The following FHL2 variants were observed in gnomAD, a reference collection of about 807,000 sequenced individuals.
FHL2 encodes four and a half LIM domains 2.
In FHL2, 20 loss-of-function variants were observed where a neutral mutation model predicts 32.7. The observed-to-expected ratio is 0.61, with a 90% CI of 0.43 to 0.89. The LOEUF (loss-of-function observed/expected upper bound fraction) is 0.89, where lower values mean the gene tolerates loss of function less well. Among genes scored for constraint, FHL2 ranks in the 40% least tolerant of loss-of-function variants. The pLI, the probability that FHL2 is intolerant of heterozygous loss-of-function variation, is 0.00. For synonymous variants in FHL2, 123 were observed against 128.1 expected (o/e 0.96, Z 0.27); for missense variants, 311 against 358.6 (o/e 0.87, Z 1.07).
intron 3 of FHL2, among the ~76,000 whole-genome samples, chr2:105,377,305 T>G (rs1206834030): frequency 6.6e-6 from 1 of 152,200 alleles, no homozygotes; most frequent in Non-Finnish European, 1.5e-5. Context: ...AGTGTGATGT[T>G]CTGTGTATTT....
chr2:105,407,895 A>G lies in FHL2; in HGVS notation c.-24-21355T>C, dbSNP rs532030543. Among the ~76,000 whole-genome samples the G allele has an allele frequency of 6.1e-4, 93 of 152,312 alleles. 2 individuals carry two copies. Among genetic ancestry groups the G allele is most frequent in the South Asian group, 3.5e-3 (17 of 4,822 alleles). On this transcript the variant is annotated intron_variant, in intron 1 of 5. Transcript: ENST00000393352. ...CTGCATCCTGCAAACGGAAGCCACC[A>G]TCTTAATTTTTAGGAGTCTATCTGG...
chr2:105,399,110 G>T, upstream of FHL2: 1 of 1,437,344 alleles, frequency 7.0e-7, no homozygotes, highest in Non-Finnish European at 9.1e-7. Flanking sequence ...ACCATATAAG[G>T]AGATGCACGC....
At chr2:105,382,571 T>C (rs145016020) in intron 3 of FHL2, among the ~76,000 whole-genome samples, 1 of 152,396 alleles carries the variant, frequency 6.6e-6, no homozygotes, top group East Asian at 1.9e-4. Flanking sequence ...TCATGCAGTT[T>C]AGGCATTTAC....
chr2:105,414,701 C>T (rs1208265547), intron 1 of FHL2, among the ~76,000 whole-genome samples: 9 of 152,138 alleles, frequency 5.9e-5, no homozygotes, highest in East Asian at 1.9e-4. Flanking sequence ...TACAGGCACA[C>T]GCTACCATGT....
chr2:105,376,378 G>A (rs147599929), intron 3 of FHL2: 10 of 152,264 alleles, frequency 6.6e-5, no homozygotes, highest in African/African-American at 2.2e-4. Context: ...ATCCAGAAAC[G>A]ACCAAACTCT....
At chr2:105,419,719 G>T (rs1470858563) in intron 1 of FHL2, among the ~76,000 whole-genome samples, 3 of 152,024 alleles carry the variant, frequency 2.0e-5, no homozygotes, top group Non-Finnish European at 4.4e-5. Flanking sequence ...TAAACTCCTG[G>T]GTCTAACAGC....
At chr2:105,360,128 C>G (rs1180300281), downstream of FHL2, 2 of 151,990 alleles carry the variant, frequency 1.3e-5, 1 homozygote, top group Non-Finnish European at 2.9e-5. Context: ...TGGTGAAACC[C>G]CATCTCTACT....
chr2:105,407,262 G>A (rs550732966), intron 1 of FHL2, among the ~76,000 whole-genome samples: 11 of 151,962 alleles, frequency 7.2e-5, no homozygotes, highest in Admixed American at 3.3e-4. Flanking sequence ...CGTGGTGGCG[G>A]GCGCCTGTAG....
At chr2:105,420,724 T>C (rs1258752001) in intron 1 of FHL2, among the ~76,000 whole-genome samples, 8 of 152,112 alleles carry the variant, frequency 5.3e-5, no homozygotes, top group Admixed American at 3.9e-4. Flanking sequence ...GATGAAACTG[T>C]TCCAACTCAG....
chr2:105,417,833 G>A (rs1476693950), intron 1 of FHL2, among the ~76,000 whole-genome samples: 1 of 151,904 alleles, frequency 6.6e-6, no homozygotes, highest in East Asian at 1.9e-4. Context: ...TCCCCCTACT[G>A]CTTGGTGATG....
chr2:105,371,336 C>T (rs1681047523), intron 4 of FHL2, among the ~76,000 whole-genome samples: 1 of 152,132 alleles, frequency 6.6e-6, no homozygotes. Context: ...GCCTTAGGGG[C>T]AAAGACTAAG....
At chr2:105,370,656 T>C (rs776538963) in intron 4 of FHL2, among the ~76,000 whole-genome samples, 1 of 152,224 alleles carries the variant, frequency 6.6e-6, no homozygotes, top group Non-Finnish European at 1.5e-5. Context: ...ACTGACGCTG[T>C]AAACCCATAT....
chr2:105,406,552 A>G (rs551714774), intron 1 of FHL2, among the ~76,000 whole-genome samples: 2 of 151,250 alleles, frequency 1.3e-5, no homozygotes, highest in African/African-American at 2.4e-5. Context: ...CATTGCTAAC[A>G]CTTTCTGGAC....
intron 1 of FHL2, among the ~76,000 whole-genome samples, chr2:105,422,924 G>C (rs531351080): frequency 6.6e-6 from 1 of 152,268 alleles, no homozygotes; most frequent in African/African-American, 2.4e-5. Flanking sequence ...CGAGAGTAAA[G>C]TCTTCCGTCA....
At chr2:105,378,355 C>G (rs1014604556) in intron 3 of FHL2, 2 of 372,962 alleles carry the variant, frequency 5.4e-6, no homozygotes, top group African/African-American at 2.1e-5. Context: ...CCTGTCCCCC[C>G]ACACCCTGCT....
At chr2:105,367,870 C>G in intron 4 of FHL2, 131 bp from the exon 5 acceptor site, 2 of 842,022 alleles carry the variant, frequency 2.4e-6, no homozygotes, top group Non-Finnish European at 3.6e-6. Context: ...CTTGAAGGCT[C>G]GCCTCTACAT....
At position 105,398,943 on chromosome 2, in the gene FHL2, G is replaced by A; in HGVS notation, c.-177C>T. 4.6e-6 allele frequency: 7 copies of A among 1,532,716 alleles called. No homozygotes were observed. The highest frequency in any genetic ancestry group is 1.2e-5 in the South Asian group (1 of 80,536). The allele number at this position is 1,532,716 out of a possible 1,614,324, so 94.9% of individuals were successfully genotyped here. A position where few individuals can be genotyped will look rare whatever the true frequency, so the allele number is the denominator to read the frequency against. On this transcript the variant is annotated 5_prime_UTR_variant, in exon 1 of 7. Coordinates refer to ENST00000530340, the MANE Select transcript of FHL2 (RefSeq NM_001318895.3). ...TGGCTAAGCCCCTCGGCCTCCCTCC[G>A]GGGCGCAGGGGGTTGGAGGTACTCA...
rs145860781 is a variant in FHL2, at chr2:105,421,816, A to T, written c.-25+16583T>A. 2.5e-3 allele frequency among the ~76,000 whole-genome samples: 377 copies of T among 152,358 alleles called. 2 individuals carry two copies. The highest frequency in any genetic ancestry group is 8.7e-3 in the African/African-American group (362 of 41,578). On this transcript the variant is annotated intron_variant, in intron 1 of 5. Transcript: ENST00000393352. ...TGATGCAGAGGGCACAGTTCCATGC[A>T]TGAGCTTGCAATGCAGTCTCTGCCA...
intron 3 of FHL2, 191 bp downstream of exon 3, chr2:105,386,170 A>T: frequency 1.8e-6 from 1 of 555,786 alleles, no homozygotes; most frequent in Non-Finnish European, 3.1e-6. Context: ...GCCCTCACCC[A>T]GTGCTTGTGG....
Sources: allele counts gnomAD v4.1 joint callset (sites outside exome capture counted in the v4.1 genomes callset), GRCh38; gene constraint gnomAD v4.1.1; transcripts MANE v1.5; gene names NCBI Gene and HGNC (gene_info 2026-07-23, HGNC 2026-07-21).